ATP6V1H: variants seen among roughly 807,000 people sequenced by gnomAD.
ATP6V1H encodes the protein ATPase H+ transporting V1 subunit H.
A neutral mutation model predicts 71.7 loss-of-function variants in ATP6V1H; 39 were observed. The observed-to-expected ratio is 0.54, with a 90% CI of 0.42 to 0.71. The LOEUF (loss-of-function observed/expected upper bound fraction) is 0.71. Ranked by LOEUF, ATP6V1H falls within the 30% of genes least tolerant of loss-of-function variation. The pLI, the probability that ATP6V1H is intolerant of heterozygous loss-of-function variation, is 0.00. For missense variants in ATP6V1H, 509 were observed against 594.9 expected (o/e 0.86, Z 1.50); for synonymous variants, 192 against 199.3 (o/e 0.96, Z 0.31).
chr8:53,764,580 A>T (rs1316496825), intron 11 of ATP6V1H, among the ~76,000 whole-genome samples: 1 of 152,316 alleles, frequency 6.6e-6, no homozygotes, highest in East Asian at 1.9e-4. Flanking sequence ...TATCATACTG[A>T]ATAATGAGAA....
At chr8:53,840,668 A>C (rs1811316698) in intron 2 of ATP6V1H, among the ~76,000 whole-genome samples, 1 of 152,170 alleles carries the variant, frequency 6.6e-6, no homozygotes, top group African/African-American at 2.4e-5. Flanking sequence ...TGAGTGATTA[A>C]ATTAACAGAA....
intron 4 of ATP6V1H, among the ~76,000 whole-genome samples, chr8:53,820,682 AG>A (rs1810622114): frequency 6.6e-6 from 1 of 151,154 alleles, no homozygotes; most frequent in Non-Finnish European, 1.5e-5. Flanking sequence ...AAAAAAAAAA[AG>A]AAAAGAAAAC....
At position 53,775,080 on chromosome 8, in the gene ATP6V1H, T is replaced by C. The variant is rs574064023; in HGVS notation, c.871-2913A>G. On this transcript the variant is annotated intron_variant, in intron 9 of 13. Coordinates refer to ENST00000359530, the MANE Select transcript of ATP6V1H (RefSeq NM_015941.4). ...GTCCGGAGTTTGTTCCCTCTGATGT[T>C]CAGATGTGTTCGGAGTTTCTTCCTT... 6.6e-5 allele frequency among the ~76,000 whole-genome samples: 10 copies of C among 152,324 alleles called. No homozygotes were observed. The South Asian group carries it at 2.1e-3, about 32-fold the overall frequency.
At chr8:53,748,641 A>G (rs1807689095) in intron 12 of ATP6V1H, among the ~76,000 whole-genome samples, 1 of 152,236 alleles carries the variant, frequency 6.6e-6, no homozygotes, top group Non-Finnish European at 1.5e-5. Flanking sequence ...TGCAGGAGAT[A>G]AAATAGGAGA....
At chr8:53,824,709 C>G (rs1014618292) in intron 4 of ATP6V1H, among the ~76,000 whole-genome samples, 1 of 151,906 alleles carries the variant, frequency 6.6e-6, no homozygotes, top group East Asian at 1.9e-4. Flanking sequence ...CACTCAAAAA[C>G]TAAGAATTGA....
chr8:53,808,774 C>G (rs1810176494), intron 7 of ATP6V1H, among the ~76,000 whole-genome samples: 1 of 149,448 alleles, frequency 6.7e-6, no homozygotes, highest in Admixed American at 6.7e-5. Flanking sequence ...GCACTCCAAC[C>G]TGGGTGACAG....
intron 9 of ATP6V1H, among the ~76,000 whole-genome samples, chr8:53,783,161 C>A (rs1809230550): frequency 6.6e-6 from 1 of 152,058 alleles, no homozygotes; most frequent in South Asian, 2.1e-4. Context: ...GGCTGTGAAT[C>A]CATCTGGTCC....
At chr8:53,813,978 A>G (rs1810365463) in intron 6 of ATP6V1H, among the ~76,000 whole-genome samples, 1 of 152,168 alleles carries the variant, frequency 6.6e-6, no homozygotes, top group Non-Finnish European at 1.5e-5. Context: ...AGGCTCACCC[A>G]GAGGCAGCTG....
chr8:53,715,806 A>T lies in ATP6V1H; in HGVS notation c.*158T>A. 1.8e-6 allele frequency: 1 copy of T among 554,052 alleles called. No homozygotes were observed. Among genetic ancestry groups the T allele is most frequent in the Non-Finnish European group, 3.1e-6 (1 of 320,046 alleles). 34.3% of individuals were successfully genotyped at this position (554,052 alleles called of 1,614,324 possible). A position where few individuals can be genotyped will look rare whatever the true frequency, so the allele number is the denominator to read the frequency against. ...CTTTTATACAACTTAACAGGCAAAC[A>T]TGTTATTTTGTTGTTGTTGTTTGGA... is the stretch of plus-strand genomic sequence containing the variant. On this transcript the variant is annotated 3_prime_UTR_variant, in exon 14 of 14. Coordinates refer to ENST00000359530, the MANE Select transcript of ATP6V1H (RefSeq NM_015941.4).
intron 9 of ATP6V1H, among the ~76,000 whole-genome samples, chr8:53,783,809 CA>C (rs1201471019): frequency 1.3e-5 from 2 of 152,218 alleles, no homozygotes; most frequent in East Asian, 3.8e-4. Context: ...CCCCAGTAGT[CA>C]TTCAGGAGCA....
At chr8:53,838,485 C>T (rs1811237622) in intron 2 of ATP6V1H, among the ~76,000 whole-genome samples, 1 of 152,118 alleles carries the variant, frequency 6.6e-6, no homozygotes. Context: ...TTTGCTCCCA[C>T]TTTTTGTTGT....
chr8:53,735,681 TC>T (rs1204672627), intron 13 of ATP6V1H, among the ~76,000 whole-genome samples: 10 of 152,256 alleles, frequency 6.6e-5, no homozygotes, highest in African/African-American at 2.2e-4. Context: ...AATGCAGGCT[TC>T]AGGAATAGCC....
intron 13 of ATP6V1H, among the ~76,000 whole-genome samples, chr8:53,728,123 CCTT>C (rs1486766568): frequency 3.3e-5 from 5 of 152,182 alleles, no homozygotes; most frequent in African/African-American, 7.2e-5. Context: ...CAAACACAAG[CCTT>C]CTCACGGTAG....
chr8:53,785,556 T>A (rs933272088), intron 9 of ATP6V1H, among the ~76,000 whole-genome samples: 1 of 152,238 alleles, frequency 6.6e-6, no homozygotes, highest in African/African-American at 2.4e-5. Flanking sequence ...TAATTCTCCA[T>A]CCAGCTTTGT....
intron 13 of ATP6V1H, among the ~76,000 whole-genome samples, chr8:53,728,117 C>T (rs528579885): frequency 6.6e-6 from 1 of 152,310 alleles, no homozygotes; most frequent in Non-Finnish European, 1.5e-5. Flanking sequence ...TGACGTCAAA[C>T]ACAAGCCTTC....
Position 53,769,675 on chromosome 8 carries a change from T to C in ATP6V1H, c.1118A>G (p.Glu373Gly), listed in dbSNP as rs1308559761. 1.2e-6 allele frequency: 2 copies of C among 1,613,184 alleles called. No homozygotes were observed. Among genetic ancestry groups the C allele is most frequent in the South Asian group, 2.2e-5 (2 of 91,010 alleles). Residue 373 changes from glutamate (E) to glycine (G), a missense_variant, in exon 11 of 14, where the codon GAG (glutamate) becomes GGG (glycine). Glu to Gly is a moderately conservative substitution (Grantham distance 98). Around this residue, in one of 2 missense-constraint regions of ATP6V1H, gnomAD observed 212 missense variants for 291.6 expected, o/e 0.73. Transcript: ENST00000359530. The stretch of plus-strand genomic sequence containing the variant: ...CACAGCATTCTCTCTCCAAAATTTC[T>C]CAGATTTGTGCACAGGACTCCATTC... Reference protein sequence around the residue: ...RLEWSPVHKSEKFWRENAVRL... With the variant: ...RLEWSPVHKSGKFWRENAVRL...
In ATP6V1H at chr8:53,807,071, G is replaced by A. The variant is rs73680312; in HGVS notation, c.579+4093C>T. 5.1e-3 allele frequency among the ~76,000 whole-genome samples: 778 copies of A among 152,300 alleles called. 6 individuals carry two copies. Among genetic ancestry groups the A allele is most frequent in the African/African-American group, 0.018 (737 of 41,566 alleles). On this transcript the variant is annotated intron_variant, in intron 7 of 13. Transcript: ENST00000359530. ...ACTACAATTTAATAACAGGCCTGCA[G>A]TATGTGAATAACTGATGTGGCCCAC...
At chr8:53,795,938 G>C in intron 8 of ATP6V1H, 99 bp from the exon 9 acceptor site, 3 of 1,053,634 alleles carry the variant, frequency 2.8e-6, no homozygotes, top group Non-Finnish European at 4.0e-6. Flanking sequence ...AGGTCTCTCT[G>C]AATTATGTCC....
rs534229509 is a variant in ATP6V1H, at chr8:53,752,940, T to C, written c.1277+3615A>G. ...TCCAATACTTGACATGAAAGAATTA[T>C]GTAATTTAAAATGTTTGAGTATTAT... On this transcript the variant is annotated intron_variant, in intron 12 of 13. Coordinates refer to ENST00000359530, the MANE Select transcript of ATP6V1H (RefSeq NM_015941.4). 6.8e-4 allele frequency among the ~76,000 whole-genome samples: 104 copies of C among 152,280 alleles called. 1 individual carries two copies. Among genetic ancestry groups the C allele is most frequent in the Non-Finnish European group, 8.8e-4 (60 of 68,038 alleles).
Sources: gnomAD v4.1 joint callset for allele counts (sites outside exome capture counted in the v4.1 genomes callset) on GRCh38, gnomAD v4.1.1 for gene constraint, gnomAD v4.1.1 regional missense constraint, MANE v1.5 for transcripts, NCBI Gene and HGNC (gene_info 2026-07-23, HGNC 2026-07-21) for gene names.